PMEPA1: variants seen among roughly 807,000 people sequenced by gnomAD.
The protein encoded by PMEPA1 is protein TMEPAI.
Under a neutral mutation model 23.0 loss-of-function variants are expected in PMEPA1, and 11 were observed. The observed-to-expected ratio is 0.48, with a 90% CI of 0.30 to 0.79. The LOEUF is 0.79. Among genes scored for constraint, PMEPA1 ranks in the 30% least tolerant of loss-of-function variants. The probability of loss-of-function intolerance (pLI) is 0.06; values close to 1 mark genes in which losing one functional copy is unlikely to be tolerated. For missense variants in PMEPA1, 377 were observed against 390.9 expected (o/e 0.96, Z 0.30); for synonymous variants, 204 against 166.4 (o/e 1.23, Z -1.74).
chr20:57,668,366 C>A lies in PMEPA1; in HGVS notation c.110-8669G>T, dbSNP rs73302954. Among the ~76,000 whole-genome samples, 657 of 152,326 alleles carry A rather than the reference C, an allele frequency of 4.3e-3. 8 individuals are homozygous for A. The highest frequency in any genetic ancestry group is 0.014 in the African/African-American group (598 of 41,568). On this transcript the variant is annotated intron_variant, in intron 1 of 3. Transcript: ENST00000341744. ...GTGACCTTCAGTAAATCTCCTGGTA[C>A]CCTCATCTGAGAAGAAAACGGAGAG... is the stretch of plus-strand genomic sequence containing the variant.
intron 1 of PMEPA1, among the ~76,000 whole-genome samples, chr20:57,689,868 G>T (rs1031642900): frequency 6.6e-6 from 1 of 152,170 alleles, no homozygotes; most frequent in Non-Finnish European, 1.5e-5. Context: ...GTCTGATTCA[G>T]CAGCTCTATA....
At chr20:57,668,308 T>C (rs2071521777) in intron 1 of PMEPA1, among the ~76,000 whole-genome samples, 1 of 152,232 alleles carries the variant, frequency 6.6e-6, no homozygotes, top group Non-Finnish European at 1.5e-5. Context: ...CACCCAGTGG[T>C]CCTGGGCTCA....
rs192371654 is a variant in PMEPA1, at chr20:57,684,860, G to C, written c.109+24614C>G. On this transcript the variant is annotated intron_variant, in intron 1 of 3. Coordinates refer to ENST00000341744, the MANE Select transcript of PMEPA1 (RefSeq NM_020182.5). ...GGGAAGTTGTGGGGAGGAGCTGGGA[G>C]GGGGGGGTCTCTGCCCACCCCTCAG... is the stretch of plus-strand genomic sequence containing the variant. Among the ~76,000 whole-genome samples, 520 of 144,676 alleles carry C rather than the reference G, an allele frequency of 3.6e-3. 4 individuals carry two copies. The highest frequency in any genetic ancestry group is 0.014 in the African/African-American group (500 of 34,770). 94.9% of individuals were successfully genotyped at this position (144,676 alleles called of 152,430 possible). A position where few individuals can be genotyped will look rare whatever the true frequency, so the allele number is the denominator to read the frequency against.
chr20:57,697,332 C>T (rs1046339206), intron 1 of PMEPA1, among the ~76,000 whole-genome samples: 2 of 152,250 alleles, frequency 1.3e-5, no homozygotes, highest in Admixed American at 6.5e-5. Context: ...CGGTGAGGAT[C>T]TGAGTGCAGC....
rs1396858006 is a variant in PMEPA1 at position 57,655,895 on chromosome 20, A to T, written c.265-2809T>A. Among the ~76,000 whole-genome samples the T allele has an allele frequency of 6.6e-6, 1 of 152,144 alleles. No homozygotes were observed. Among genetic ancestry groups the T allele is most frequent in the Admixed American group, 6.5e-5 (1 of 15,288 alleles). On this transcript the variant is annotated intron_variant, in intron 2 of 3. Transcript: ENST00000341744. The surrounding 1 kb of genome is among the most constrained non-coding windows in gnomAD (Gnocchi z 4.2). ...TGTCATACCACTGAACCCTGCTGCT[A>T]CAGCCAAGCGCAGCTATGGGCAAAA...
At chr20:57,679,921 G>C (rs2071689541) in intron 1 of PMEPA1, among the ~76,000 whole-genome samples, 1 of 152,210 alleles carries the variant, frequency 6.6e-6, no homozygotes, top group South Asian at 2.1e-4. Flanking sequence ...CAGAGACACA[G>C]AGCAACCGTG....
In PMEPA1 at chr20:57,682,059, G is replaced by A. The variant is rs2071724501; in HGVS notation, c.110-22362C>T. Among the ~76,000 whole-genome samples, 1 of 152,184 alleles carries A rather than the reference G, an allele frequency of 6.6e-6. No individual in the cohort carries two copies. The highest frequency in any genetic ancestry group is 6.5e-5 in the Admixed American group (1 of 15,284). On this transcript the variant is annotated intron_variant, in intron 1 of 3. Coordinates refer to ENST00000341744, the MANE Select transcript of PMEPA1 (RefSeq NM_020182.5). The surrounding 1 kb of genome is among the most constrained non-coding windows in gnomAD (Gnocchi z 4.4). ...TGCACCAGACTAGTAGCTCCCTGAG[G>A]GCAGGCTCAGGCCTGTTCCATTCAC...
rs1555882180 is a variant in PMEPA1 at position 57,683,558 on chromosome 20, T to TGTGC, written c.110-23862_110-23861insGCAC. ...GGTGGTGTTCTGGCCTGTGTGCGTGTGTGTGTGTGTGTGTGTGTGTGTGTG... is the reference window on the plus strand; with the variant it reads ...GGTGGTGTTCTGGCCTGTGTGCGTGTGTGCGTGTGTGTGTGTGTGTGTGTGTGTG... On this transcript the variant is annotated intron_variant, in intron 1 of 3. Transcript: ENST00000341744. This position sits in a 1 kb window ranked among gnomAD's most constrained non-coding sequence, Gnocchi z 4.3. Among the ~76,000 whole-genome samples the TGTGC allele has an allele frequency of 1.1e-4, 15 of 141,088 alleles. No individual in the cohort carries two copies. Among genetic ancestry groups the TGTGC allele is most frequent in the Non-Finnish European group, 1.4e-4 (9 of 65,878 alleles). The allele number at this position is 141,088 out of a possible 152,430, so 92.6% of individuals were successfully genotyped here. A position where few individuals can be genotyped will look rare whatever the true frequency, so the allele number is the denominator to read the frequency against.
chr20:57,678,057 A>G (rs1191742112), intron 1 of PMEPA1, among the ~76,000 whole-genome samples: 2 of 152,252 alleles, frequency 1.3e-5, no homozygotes, highest in East Asian at 3.8e-4. Context: ...GGATACAGTT[A>G]GAAAAGGGTA....
At chr20:57,665,501 A>C (rs2071479770) in intron 1 of PMEPA1, among the ~76,000 whole-genome samples, 1 of 142,388 alleles carries the variant, frequency 7.0e-6, no homozygotes. Context: ...AAGTTACCTC[A>C]TCTGTCAAAA....
At position 57,670,195 on chromosome 20, in the gene PMEPA1, A is replaced by T. The variant is rs1282662668; in HGVS notation, c.110-10498T>A. 2.3e-4 allele frequency among the ~76,000 whole-genome samples: 6 copies of T among 25,602 alleles called. No individual in the cohort carries two copies. The East Asian group carries it at 3.6e-3, about 15-fold the overall frequency. 16.8% of individuals were successfully genotyped at this position (25,602 alleles called of 152,430 possible). Reference sequence around the variant, plus strand: ...GCCTTCCCTCTCCTGGCCTGGAGGTAGGGGTGGGGTGGGGGGGGTAGTACA... The same window carrying T: ...GCCTTCCCTCTCCTGGCCTGGAGGTTGGGGTGGGGTGGGGGGGGTAGTACA... On this transcript the variant is annotated intron_variant, in intron 1 of 3. Coordinates refer to ENST00000341744, the MANE Select transcript of PMEPA1 (RefSeq NM_020182.5).
At chr20:57,667,170 C>A (rs1209613519) in intron 1 of PMEPA1, among the ~76,000 whole-genome samples, 1 of 152,050 alleles carries the variant, frequency 6.6e-6, no homozygotes, top group Non-Finnish European at 1.5e-5. Context: ...TCCAAGGGGA[C>A]CCCACCTTTC....
chr20:57,700,070 C>T (rs899423127), intron 1 of PMEPA1: 3 of 471,114 alleles, frequency 6.4e-6, no homozygotes, highest in Non-Finnish European at 1.3e-5. Flanking sequence ...GGATTTGTCA[C>T]TTTCATGCTC....
chr20:57,689,208 G>A (rs573373250), intron 1 of PMEPA1, among the ~76,000 whole-genome samples: 10 of 152,274 alleles, frequency 6.6e-5, no homozygotes, highest in Non-Finnish European at 1.0e-4. Context: ...AGAACTGGCC[G>A]CCTCCTTTGA....
intron 1 of PMEPA1, among the ~76,000 whole-genome samples, chr20:57,662,713 C>A (rs569880160): frequency 2.6e-5 from 4 of 152,098 alleles, no homozygotes; most frequent in South Asian, 2.1e-4. Context: ...CACGCCCCCC[C>A]ACCCCCGGGG....
rs934883605 is a variant in PMEPA1, at chr20:57,652,938, G to A, written c.318+95C>T. ...AAGGGCACTGCAGAGGAGGGCGGAGGGGTGAGCCTTTAGCAGCCCACACTG... is the reference window on the plus strand; with the variant it reads ...AAGGGCACTGCAGAGGAGGGCGGAGAGGTGAGCCTTTAGCAGCCCACACTG... On this transcript the variant is annotated intron_variant, in intron 3 of 3. Transcript: ENST00000341744. The surrounding 1 kb of genome is among the most constrained non-coding windows in gnomAD (Gnocchi z 6.1). 4.9e-6 allele frequency: 5 copies of A among 1,029,022 alleles called. No homozygotes were observed. Among genetic ancestry groups the A allele is most frequent in the Non-Finnish European group, 7.4e-6 (5 of 673,712 alleles). 63.7% of individuals were successfully genotyped at this position (1,029,022 alleles called of 1,614,324 possible). A position where few individuals can be genotyped will look rare whatever the true frequency, so the allele number is the denominator to read the frequency against.
chr20:57,661,045 G>A (rs1159137079), intron 1 of PMEPA1, among the ~76,000 whole-genome samples: 3 of 152,208 alleles, frequency 2.0e-5, no homozygotes, highest in Non-Finnish European at 2.9e-5. Context: ...GGGGGTGTCA[G>A]GACCCTCCTC....
intron 2 of PMEPA1, among the ~76,000 whole-genome samples, chr20:57,657,864 A>T (rs956410833): frequency 5.9e-5 from 9 of 152,170 alleles, no homozygotes; most frequent in African/African-American, 9.7e-5. Flanking sequence ...CTGTTCTGTG[A>T]GTCCTCCCCA....
intron 1 of PMEPA1, among the ~76,000 whole-genome samples, chr20:57,664,781 T>C (rs979590064): frequency 6.6e-6 from 1 of 152,194 alleles, no homozygotes; most frequent in African/African-American, 2.4e-5. Flanking sequence ...CCTTTAAGGC[T>C]GGAACCTCAT....
Sources: allele counts gnomAD v4.1 joint callset (sites outside exome capture counted in the v4.1 genomes callset), GRCh38; gene constraint gnomAD v4.1.1; non-coding constraint Gnocchi (gnomAD v3.1); transcripts MANE v1.5; gene names NCBI Gene and HGNC (gene_info 2026-07-23, HGNC 2026-07-21).